ERICH3: variants seen among roughly 807,000 people sequenced by gnomAD.
The protein encoded by ERICH3 is glutamate rich 3, also known as glutamate-rich protein 3.
A neutral mutation model predicts 131.1 loss-of-function variants in ERICH3; 126 were observed. The ratio of observed to expected loss-of-function variants is 0.96; its 90% CI spans 0.83 to 1.11. The LOEUF is 1.11. Ranked by LOEUF, ERICH3 falls within the 50% of genes most tolerant of loss-of-function variation. ERICH3 has a pLI of 0.00. For missense variants in ERICH3, 2,050 were observed against 1,810.7 expected, an observed-to-expected ratio of 1.13 and a Z score of -2.40; for synonymous variants, 695 against 644.6, an observed-to-expected ratio of 1.08 and a Z score of -1.18.
chr1:74,657,263 T>C (rs559509704), intron 1 of ERICH3, among the ~76,000 whole-genome samples: 1 of 152,294 alleles, frequency 6.6e-6, no homozygotes, highest in East Asian at 1.9e-4. Flanking sequence ...ATGGTGCCTT[T>C]GTGGCATGCT....
chr1:74,629,931 G>A (rs539291924), intron 7 of ERICH3, among the ~76,000 whole-genome samples: 13 of 152,090 alleles, frequency 8.5e-5, no homozygotes, highest in Admixed American at 8.5e-4. Flanking sequence ...AGAATGATGG[G>A]GCAGGAAAAA....
intron 12 of ERICH3, among the ~76,000 whole-genome samples, chr1:74,584,851 T>G (rs925364405): frequency 5.3e-5 from 8 of 152,154 alleles, no homozygotes; most frequent in Non-Finnish European, 1.0e-4. Context: ...AACAACCACA[T>G]GCTTCCACAG....
intron 6 of ERICH3, 53 bp from the exon 7 acceptor site, chr1:74,631,981 A>G: frequency 3.4e-6 from 5 of 1,492,388 alleles, no homozygotes; most frequent in Non-Finnish European, 4.6e-6. Context: ...CAGTGACTCA[A>G]TGTAACCCAA....
At chr1:74,668,507 T>C (rs1157832312) in intron 1 of ERICH3, among the ~76,000 whole-genome samples, 1 of 152,230 alleles carries the variant, frequency 6.6e-6, no homozygotes, top group Non-Finnish European at 1.5e-5. Flanking sequence ...AGGACCTAAT[T>C]GAGCTGTCAT....
In ERICH3 at chr1:74,571,281, C is replaced by G. The variant is rs141694470; in HGVS notation, c.4429G>C (p.Gly1477Arg). Residue 1477 changes from glycine to arginine, a missense_variant, in exon 14 of 15, where the codon GGA becomes CGA. By Grantham distance (125) the Gly-to-Arg change is moderately radical (BLOSUM62 -2). Transcript: ENST00000326665. ...ETGAAEKFRL[G>R]LSREGERELS... ...TCCCTCTCTCCCTCCCGTGATAATCCTAATCGGAATTTTTCAGCTGCTCCT... is the reference window on the plus strand; with the variant it reads ...TCCCTCTCTCCCTCCCGTGATAATCGTAATCGGAATTTTTCAGCTGCTCCT... 1 of 1,614,040 alleles carries G rather than the reference C, an allele frequency of 6.2e-7. No individual in the cohort carries two copies. The highest frequency in any genetic ancestry group is 8.5e-7 in the Non-Finnish European group (1 of 1,179,992).
At chr1:74,653,038 G>C (rs1167776431) in intron 1 of ERICH3, among the ~76,000 whole-genome samples, 2 of 151,998 alleles carry the variant, frequency 1.3e-5, no homozygotes, top group Admixed American at 6.6e-5. Flanking sequence ...CTGAGTCACC[G>C]GGGTGCTACC....
chr1:74,641,925 C>A (rs1423564768), intron 4 of ERICH3, among the ~76,000 whole-genome samples: 1 of 152,096 alleles, frequency 6.6e-6, no homozygotes, highest in Non-Finnish European at 1.5e-5. Flanking sequence ...GGTAGCAAAT[C>A]TCTGACAATG....
At chr1:74,604,889 C>T (rs562595474) in intron 10 of ERICH3, among the ~76,000 whole-genome samples, 8 of 152,020 alleles carry the variant, frequency 5.3e-5, no homozygotes, top group Non-Finnish European at 1.2e-4. Flanking sequence ...AACTCACCAG[C>T]TGCATTAACC....
At position 74,631,756 on chromosome 1, in the gene ERICH3, C is replaced by T. The variant is rs372763080; in HGVS notation, c.776G>A (p.Arg259His). The change falls in exon 7 of 15, where the codon CGT becomes CAT. Residue 259 changes from arginine to histidine, a missense_variant. Physicochemically the swap from Arg to His is conservative, Grantham distance 29. Transcript: ENST00000326665. ...RSETWRRRRFRPTTAPNGLEP... is the reference protein window; with the variant it reads ...RSETWRRRRFHPTTAPNGLEP... ...TAAGCCATTTGGAGCAGTGGTTGGA[C>T]GAAATCTTCTCCTTCTCCATGTTTC... 88 of 1,613,358 alleles carry T rather than the reference C, an allele frequency of 5.5e-5. No homozygotes were observed. Among genetic ancestry groups the T allele is most frequent in the South Asian group, 2.2e-4 (20 of 91,058 alleles).
At chr1:74,650,384 C>T (rs1005902590) in intron 1 of ERICH3, among the ~76,000 whole-genome samples, 6 of 152,104 alleles carry the variant, frequency 3.9e-5, no homozygotes, top group African/African-American at 1.4e-4. Flanking sequence ...ATTAATTATT[C>T]AGTAACTTAC....
At chr1:74,663,008 G>A (rs1219225698) in intron 1 of ERICH3, among the ~76,000 whole-genome samples, 1 of 152,060 alleles carries the variant, frequency 6.6e-6, no homozygotes, top group Non-Finnish European at 1.5e-5. Flanking sequence ...AATGTTTCCA[G>A]ATATATCATT....
At chr1:74,665,744 C>T (rs77268398) in intron 1 of ERICH3, among the ~76,000 whole-genome samples, 2,471 of 152,138 alleles carry the variant, frequency 0.016, 67 homozygotes, top group African/African-American at 0.056. Context: ...GATTAGGGTC[C>T]AGATATTGGC....
In ERICH3 at chr1:74,636,535, G is replaced by A. The variant is rs1362612029; in HGVS notation, c.445-97C>T. On this transcript the variant is annotated intron_variant, in intron 5 of 14. Coordinates refer to ENST00000326665, the MANE Select transcript of ERICH3 (RefSeq NM_001002912.5). The stretch of plus-strand genomic sequence containing the variant: ...AATAAATTGCCTAGAGTAATTAATG[G>A]TGCCTTTTTACTGAACAGATTAAAC... 13 of 1,221,808 alleles carry A rather than the reference G, an allele frequency of 1.1e-5. No homozygotes were observed. The South Asian group carries it at 1.8e-4, about 17-fold the overall frequency. The allele number at this position is 1,221,808 out of a possible 1,614,324, so 75.7% of individuals were successfully genotyped here.
chr1:74,572,967 G>A lies in ERICH3; in HGVS notation c.2743C>T (p.His915Tyr), dbSNP rs762060656. The A allele has an allele frequency of 1.9e-6, 3 of 1,614,044 alleles. No homozygotes were observed. In the South Asian group the frequency reaches 3.3e-5, roughly 18 times the overall value. Residue 915 changes from histidine (H) to tyrosine (Y), a missense_variant, in exon 14 of 15, where the codon CAT becomes TAT. Transcript: ENST00000326665. ...ANEAAALNLE[H>Y]LHEVAALREA... ...CTCAGGGCTGCTACTTCATGAAGAT[G>A]CTCCAAGTTCAGGGCTGCTGCTTCA...
Position 74,572,220 on chromosome 1 carries a change from C to A in ERICH3, c.3490G>T (p.Glu1164Ter). 1 of 1,614,154 alleles carries A rather than the reference C, an allele frequency of 6.2e-7. No homozygotes were observed. Residue 1164 changes from glutamate (E) to a stop codon, truncating the protein, a stop_gained, in exon 14 of 15, where the codon GAA (glutamate) becomes TAA (stop). Transcript: ENST00000326665. LOFTEE classifies it high-confidence loss of function. ...GCTGTTATGTTTTCCAGCGACTTTTCAAATCCAGGCGTTGCTTCAAATATG... is the reference window on the plus strand; with the variant it reads ...GCTGTTATGTTTTCCAGCGACTTTTAAAATCCAGGCGTTGCTTCAAATATG... ...VPIFEATPGF[E>*]KSLENITALR...
At chr1:74,570,813 G>T (rs1646928031) in intron 14 of ERICH3, among the ~76,000 whole-genome samples, 1 of 152,070 alleles carries the variant, frequency 6.6e-6, no homozygotes, top group Non-Finnish European at 1.5e-5. Context: ...CTCTTTGGGG[G>T]TCCTATCTGG....
intron 8 of ERICH3, among the ~76,000 whole-genome samples, chr1:74,616,193 T>C (rs575268277): frequency 6.6e-6 from 1 of 152,118 alleles, no homozygotes; most frequent in East Asian, 1.9e-4. Context: ...ATATATATTG[T>C]ATTTTTAGTA....
At chr1:74,670,714 G>C (rs1050119022) in intron 1 of ERICH3, among the ~76,000 whole-genome samples, 32 of 152,044 alleles carry the variant, frequency 2.1e-4, no homozygotes, top group Admixed American at 2.6e-4. Flanking sequence ...CCTTGAAAAA[G>C]AACAGAATAA....
chr1:74,614,881 G>T, intron 8 of ERICH3, among the ~76,000 whole-genome samples: 1 of 152,162 alleles, frequency 6.6e-6, no homozygotes, highest in Non-Finnish European at 1.5e-5. Context: ...GGACTCCTCA[G>T]GTGGTGAAAG....
Sources: gnomAD v4.1 joint callset for allele counts (sites outside exome capture counted in the v4.1 genomes callset) on GRCh38, gnomAD v4.1.1 for gene constraint, MANE v1.5 for transcripts, NCBI Gene and HGNC (gene_info 2026-07-23, HGNC 2026-07-21) for gene names.